The following XRCC6 variants were observed in gnomAD, a reference collection of about 807,000 sequenced individuals.
XRCC6 encodes the protein DNA repair protein Ku70.
A neutral mutation model predicts 65.7 loss-of-function variants in XRCC6; 5 were observed. The observed-to-expected ratio is 0.08, with a 90% CI of 0.04 to 0.16. The LOEUF (loss-of-function observed/expected upper bound fraction) is 0.16. Among genes scored for constraint, XRCC6 ranks in the 10% least tolerant of loss-of-function variants. XRCC6 has a pLI of 1.00. For synonymous variants in XRCC6, 270 were observed against 270.6 expected, an observed-to-expected ratio of 1.00 and a Z score of 0.02; for missense variants, 447 against 738.1, an observed-to-expected ratio of 0.61 and a Z score of 4.57.
At chr22:41,654,007 T>C (rs543234278) in intron 9 of XRCC6, among the ~76,000 whole-genome samples, 2 of 152,234 alleles carry the variant, frequency 1.3e-5, no homozygotes, top group East Asian at 1.9e-4. Flanking sequence ...TCCAAAGCCA[T>C]TGTTTGGCAC....
chr22:41,645,116 T>C (rs1017628278), intron 6 of XRCC6, among the ~76,000 whole-genome samples: 6 of 151,360 alleles, frequency 4.0e-5, no homozygotes, highest in Non-Finnish European at 8.8e-5. Context: ...GCCTGACCAA[T>C]ATGGAGAAAG....
Position 41,661,415 on chromosome 22 carries a change from C to T in XRCC6, c.1607C>T (p.Pro536Leu), listed in dbSNP as rs2068098112. The T allele has an allele frequency of 6.2e-7, 1 of 1,613,868 alleles. No individual in the cohort carries two copies. ...CTTGTTTACCCACCAGATTACAATC[C>T]TGAAGGGAAAGTTACCAAGAGAAAA... is the stretch of plus-strand genomic sequence containing the variant. ...KELVYPPDYNPEGKVTKRKHD... is the reference protein window; with the variant it reads ...KELVYPPDYNLEGKVTKRKHD... The change falls in exon 12 of 13, where the codon CCT (proline) becomes CTT (leucine). Residue 536 changes from proline to leucine, a missense_variant. Pro to Leu is a moderately conservative substitution (Grantham distance 98). Coordinates refer to ENST00000360079, the MANE Select transcript of XRCC6 (RefSeq NM_001469.5).
chr22:41,657,162 A>T, intron 10 of XRCC6, 130 bp downstream of exon 10: 1 of 1,194,942 alleles, frequency 8.4e-7, no homozygotes, highest in Non-Finnish European at 1.1e-6. Flanking sequence ...TGTTATTAAT[A>T]GTTTTTTGAA....
chr22:41,657,568 G>T (rs2068057279), intron 10 of XRCC6, among the ~76,000 whole-genome samples: 1 of 150,176 alleles, frequency 6.7e-6, no homozygotes, highest in South Asian at 2.1e-4. Context: ...ACCCAGGTTT[G>T]ATTGCAGTGG....
At chr22:41,628,550 G>C (rs781393639) in intron 3 of XRCC6, among the ~76,000 whole-genome samples, 1 of 152,182 alleles carries the variant, frequency 6.6e-6, no homozygotes, top group Non-Finnish European at 1.5e-5. Context: ...AGGAAGAAGG[G>C]AAGTTCCCAC....
chr22:41,632,468 G>A (rs2067765925), intron 3 of XRCC6, among the ~76,000 whole-genome samples: 1 of 151,906 alleles, frequency 6.6e-6, no homozygotes, highest in Admixed American at 6.6e-5. Context: ...AAAATTAGCC[G>A]GGCATGGTAG....
intron 8 of XRCC6, among the ~76,000 whole-genome samples, chr22:41,652,439 C>T (rs1217853987): frequency 6.6e-6 from 1 of 151,338 alleles, no homozygotes; most frequent in East Asian, 1.9e-4. Context: ...CATCTTGGCT[C>T]ACTGCAGTCT....
chr22:41,649,135 A>T (rs1172822660), intron 7 of XRCC6, among the ~76,000 whole-genome samples: 46 of 94,890 alleles, frequency 4.8e-4, no homozygotes, highest in African/African-American at 8.7e-4. Context: ...ACAAAAAAAA[A>T]AAAAATATAT....
At chr22:41,652,131 A>G (rs1263557417) in intron 8 of XRCC6, among the ~76,000 whole-genome samples, 4 of 152,142 alleles carry the variant, frequency 2.6e-5, no homozygotes. Context: ...TCTTTGAAGC[A>G]TCAGATAGCA....
chr22:41,661,437 A>G lies in XRCC6; in HGVS notation c.1629A>G (p.Arg543=). The change falls in exon 12 of 13, where the codon AGA becomes AGG. Residue 543 remains arginine, a synonymous_variant. Coordinates refer to ENST00000360079, the MANE Select transcript of XRCC6 (RefSeq NM_001469.5). ...DYNPEGKVTK[R]KHDNEGSGSK... ...ATCCTGAAGGGAAAGTTACCAAGAG[A>G]AAACACGGTGAGAAGCTGAATGTGG... The G allele has an allele frequency of 6.2e-7, 1 of 1,613,782 alleles. No homozygotes were observed. Among genetic ancestry groups the G allele is most frequent in the African/African-American group, 1.3e-5 (1 of 75,042 alleles).
intron 3 of XRCC6, among the ~76,000 whole-genome samples, chr22:41,634,231 G>A (rs1279402995): frequency 6.6e-6 from 1 of 151,656 alleles, no homozygotes; most frequent in African/African-American, 2.4e-5. Context: ...TGTCATCTAG[G>A]CTGGAGTGCA....
intron 3 of XRCC6, among the ~76,000 whole-genome samples, chr22:41,628,997 C>T (rs1028714032): frequency 6.9e-6 from 1 of 144,148 alleles, no homozygotes; most frequent in Non-Finnish European, 1.5e-5. Context: ...AAACAATTCT[C>T]CAAAGATATG....
At chr22:41,625,933 A>C (rs1235358447) in intron 2 of XRCC6, among the ~76,000 whole-genome samples, 1 of 152,028 alleles carries the variant, frequency 6.6e-6, no homozygotes, top group Non-Finnish European at 1.5e-5. Context: ...CTGCCTCCCA[A>C]GTTCAAGTGA....
chr22:41,622,152 C>A, intron 2 of XRCC6, 66 bp downstream of exon 2: 1 of 1,535,672 alleles, frequency 6.5e-7, no homozygotes, highest in East Asian at 2.3e-5. Flanking sequence ...CCTATCTCTG[C>A]TGGATGGACT....
intron 1 of XRCC6, chr22:41,621,750 G>A (rs1702804177): frequency 6.0e-6 from 3 of 496,234 alleles, no homozygotes; most frequent in Middle Eastern, 5.5e-4. Flanking sequence ...CCGGGATCTG[G>A]CTTCCGCGGG....
chr22:41,635,495 T>G (rs1347382140), intron 3 of XRCC6, among the ~76,000 whole-genome samples: 1 of 152,198 alleles, frequency 6.6e-6, no homozygotes, highest in Non-Finnish European at 1.5e-5. Context: ...ATTCCAATGC[T>G]TTGCTTCGCC....
In XRCC6 at chr22:41,659,442, G is replaced by A. The variant is rs1477187593; in HGVS notation, c.1522+1090G>A. On this transcript the variant is annotated intron_variant, in intron 11 of 12. Coordinates refer to ENST00000360079, the MANE Select transcript of XRCC6 (RefSeq NM_001469.5). ...AGGATGGTCTCGATCTCCTGACCTTGTGATCCGCCCGCCTTGGCCTCCCAA... is the reference window on the plus strand; with the variant it reads ...AGGATGGTCTCGATCTCCTGACCTTATGATCCGCCCGCCTTGGCCTCCCAA... 2.0e-5 allele frequency among the ~76,000 whole-genome samples: 3 copies of A among 152,074 alleles called. No homozygotes were observed. The East Asian group carries it at 5.8e-4, about 30-fold the overall frequency.
chr22:41,657,663 C>G (rs1393131163), intron 10 of XRCC6, among the ~76,000 whole-genome samples: 1 of 151,160 alleles, frequency 6.6e-6, no homozygotes, highest in Non-Finnish European at 1.5e-5. Flanking sequence ...GGGACCATAC[C>G]CTTGCACCAC....
Position 41,637,647 on chromosome 22 carries a change from G to T in XRCC6, c.629G>T (p.Gly210Val), listed in dbSNP as rs747846355. The T allele has an allele frequency of 3.7e-6, 6 of 1,610,166 alleles. No individual in the cohort carries two copies. In the South Asian group the frequency reaches 6.6e-5, roughly 18 times the overall value. ...LDLMHLKKPG[G>V]FDISLFYRDI... ...TTGATGCACCTGAAGAAACCTGGGG[G>T]CTTTGACATATCCTTGTTCTACAGA... Residue 210 changes from glycine (G) to valine (V), a missense_variant, in exon 6 of 13, where the codon GGC (glycine) becomes GTC (valine). Around this residue, in one of 4 missense-constraint regions of XRCC6, gnomAD observed 228 missense variants for 307.4 expected, o/e 0.74. Transcript: ENST00000360079.
Sources: allele counts gnomAD v4.1 joint callset (sites outside exome capture counted in the v4.1 genomes callset), GRCh38; gene constraint gnomAD v4.1.1; regional missense constraint gnomAD v4.1.1; transcripts MANE v1.5; gene names NCBI Gene and HGNC (gene_info 2026-07-23, HGNC 2026-07-21).